ERBB4: variants seen among roughly 807,000 people sequenced by gnomAD.
ERBB4 encodes erb-b2 receptor tyrosine kinase 4, also known as receptor tyrosine-protein kinase erbB-4.
ERBB4 carries 42 observed loss-of-function variants against 158.0 expected under a neutral mutation model. That is an observed-to-expected ratio of 0.27 (90% CI 0.21 to 0.34). The LOEUF (loss-of-function observed/expected upper bound fraction) is 0.34. Among genes scored for constraint, ERBB4 ranks in the 10% least tolerant of loss-of-function variants. The pLI is 1.00. For missense variants in ERBB4, 1,333 were observed against 1,624.1 expected (o/e 0.82, Z 3.08); for synonymous variants, 583 against 558.7 (o/e 1.04, Z -0.61).
chr2:211,980,780 T>C (rs1388382319), intron 2 of ERBB4, among the ~76,000 whole-genome samples: 1 of 152,204 alleles, frequency 6.6e-6, no homozygotes, highest in Non-Finnish European at 1.5e-5. Context: ...ATGTGATTAC[T>C]AGCTCATGTC....
At chr2:211,470,033 T>C (rs2064793595) in intron 20 of ERBB4, among the ~76,000 whole-genome samples, 1 of 152,086 alleles carries the variant, frequency 6.6e-6, no homozygotes, top group South Asian at 2.1e-4. Flanking sequence ...GTAGGTTCTT[T>C]CCTTTTATTT....
intron 3 of ERBB4, among the ~76,000 whole-genome samples, chr2:211,812,942 T>C (rs374447278): frequency 6.6e-6 from 1 of 152,260 alleles, no homozygotes; most frequent in Admixed American, 6.5e-5. Context: ...TTCCAGGTAC[T>C]GTCTGTCATG....
intron 20 of ERBB4, among the ~76,000 whole-genome samples, chr2:211,534,003 T>C (rs879670043): frequency 7.2e-5 from 11 of 152,072 alleles, no homozygotes; most frequent in Admixed American, 5.9e-4. Flanking sequence ...CCCATAACCA[T>C]TGCTCCAACG....
chr2:212,081,110 C>T (rs1481461806), intron 2 of ERBB4, among the ~76,000 whole-genome samples: 1 of 152,144 alleles, frequency 6.6e-6, no homozygotes, highest in African/African-American at 2.4e-5. Context: ...TCATGGCTCA[C>T]AGATCAGGAG....
intron 1 of ERBB4, among the ~76,000 whole-genome samples, chr2:212,346,813 GA>G (rs574933775): frequency 3.3e-5 from 5 of 151,912 alleles, no homozygotes; most frequent in Non-Finnish European, 7.4e-5. Context: ...ACTTAGGAAA[GA>G]ATGGAAATAA....
intron 1 of ERBB4, among the ~76,000 whole-genome samples, chr2:212,274,080 A>G (rs2085439955): frequency 6.7e-6 from 1 of 150,072 alleles, no homozygotes; most frequent in Non-Finnish European, 1.5e-5. Context: ...AGCTAGAGAA[A>G]AGAAAATGTT....
intron 20 of ERBB4, among the ~76,000 whole-genome samples, chr2:211,559,297 C>CA (rs761621087): frequency 1.5e-4 from 23 of 152,198 alleles, no homozygotes; most frequent in Non-Finnish European, 1.0e-4. Flanking sequence ...AACCTCCGTA[C>CA]ATAGACTGCA....
intron 1 of ERBB4, among the ~76,000 whole-genome samples, chr2:212,325,637 G>A (rs1468628252): frequency 6.6e-6 from 1 of 150,576 alleles, no homozygotes; most frequent in African/African-American, 2.4e-5. Flanking sequence ...TAAAGTACCA[G>A]CTGCTTGTTT....
At chr2:211,444,775 A>G (rs1366475882) in intron 20 of ERBB4, among the ~76,000 whole-genome samples, 1 of 152,102 alleles carries the variant, frequency 6.6e-6, no homozygotes, top group Non-Finnish European at 1.5e-5. Flanking sequence ...TTTACATATA[A>G]TGATATGTTA....
At chr2:211,438,781 A>G (rs13395652) in intron 20 of ERBB4, among the ~76,000 whole-genome samples, 42,475 of 151,890 alleles carry the variant, frequency 0.28, 6,180 homozygotes, top group Admixed American at 0.34. Flanking sequence ...CTGAGCCAGC[A>G]GGGAGTTAAC....
At chr2:212,343,656 A>C (rs1014338115) in intron 1 of ERBB4, among the ~76,000 whole-genome samples, 11 of 152,160 alleles carry the variant, frequency 7.2e-5, no homozygotes, top group African/African-American at 2.7e-4. Context: ...TTCCTCACAA[A>C]AACAAATCAT....
chr2:212,529,217 A>G (rs1310306119), intron 1 of ERBB4, among the ~76,000 whole-genome samples: 1 of 152,182 alleles, frequency 6.6e-6, no homozygotes, highest in Admixed American at 6.5e-5. Flanking sequence ...TATTGCTTAA[A>G]TTGATTAAAT....
At chr2:211,739,807 C>A (rs2074730225) in intron 5 of ERBB4, among the ~76,000 whole-genome samples, 1 of 151,944 alleles carries the variant, frequency 6.6e-6, no homozygotes, top group South Asian at 2.1e-4. Flanking sequence ...TTAAGATATT[C>A]TTTAGAAAAG....
intron 2 of ERBB4, among the ~76,000 whole-genome samples, chr2:212,008,527 T>A (rs760048287): frequency 1.3e-5 from 2 of 152,084 alleles, no homozygotes; most frequent in Non-Finnish European, 2.9e-5. Flanking sequence ...TACAAAAATT[T>A]TGAAAGCGCT....
intron 1 of ERBB4, among the ~76,000 whole-genome samples, chr2:212,284,435 T>C (rs1437644757): frequency 6.6e-6 from 1 of 152,114 alleles, no homozygotes; most frequent in East Asian, 1.9e-4. Context: ...ACCAGCCTAA[T>C]TTTGTTTGAG....
chr2:211,946,397 T>G (rs1312303715), intron 3 of ERBB4, among the ~76,000 whole-genome samples: 1 of 151,908 alleles, frequency 6.6e-6, no homozygotes, highest in East Asian at 1.9e-4. Context: ...TAAGGACATA[T>G]CTCTAAACTG....
chr2:211,977,457 G>A (rs1410780100), intron 2 of ERBB4, among the ~76,000 whole-genome samples: 3 of 142,818 alleles, frequency 2.1e-5, no homozygotes, highest in Non-Finnish European at 3.0e-5. Flanking sequence ...ATTCTTTGCC[G>A]TAACTTCTCA....
At chr2:212,396,107 C>G (rs911759809) in intron 1 of ERBB4, among the ~76,000 whole-genome samples, 1 of 151,970 alleles carries the variant, frequency 6.6e-6, no homozygotes, top group Non-Finnish European at 1.5e-5. Flanking sequence ...AGCGTGTGCT[C>G]AAATAGAAAC....
In ERBB4 at chr2:211,562,769, C is replaced by CTTTTTTT. The variant is rs367801279; in HGVS notation, c.2302-688_2302-682dup. Among the ~76,000 whole-genome samples, 750 of 125,668 alleles carry CTTTTTTT rather than the reference C, an allele frequency of 6.0e-3. 61 individuals carry two copies. The highest frequency in any genetic ancestry group is 0.025 in the African/African-American group (710 of 28,262). The allele number at this position is 125,668 out of a possible 152,430, so 82.4% of individuals were successfully genotyped here. On this transcript the variant is annotated intron_variant, in intron 19 of 27. Transcript: ENST00000342788. The stretch of plus-strand genomic sequence containing the variant: ...GACTATAAAAATTTGACTACTCCAA[C>CTTTTTTT]TTTTTTTTTTTTTTTTTTTTGAGAC...
Sources: allele counts gnomAD v4.1 joint callset (sites outside exome capture counted in the v4.1 genomes callset), GRCh38; gene constraint gnomAD v4.1.1; transcripts MANE v1.5; gene names NCBI Gene and HGNC (gene_info 2026-07-23, HGNC 2026-07-21).